The following SNX10 variants were observed in gnomAD, a reference collection of about 807,000 sequenced individuals.
SNX10 encodes the protein sorting nexin 10, also known as sorting nexin-10.
Under a neutral mutation model 28.5 loss-of-function variants are expected in SNX10, and 25 were observed. The ratio of observed to expected loss-of-function variants is 0.88; its 90% CI spans 0.64 to 1.22. SNX10 has a LOEUF of 1.22. SNX10 is among the 50% of genes most tolerant of loss of function. SNX10 has a pLI of 0.00. For synonymous variants in SNX10, 62 were observed against 81.4 expected (o/e 0.76, Z 1.28); for missense variants, 223 against 242.6 (o/e 0.92, Z 0.54).
At chr7:26,341,354 A>G (rs1055890131) in intron 1 of SNX10, among the ~76,000 whole-genome samples, 3 of 152,040 alleles carry the variant, frequency 2.0e-5, no homozygotes, top group Non-Finnish European at 4.4e-5. Flanking sequence ...GAGAAGGAGA[A>G]TGGGTGGCCA....
intron 1 of SNX10, among the ~76,000 whole-genome samples, chr7:26,299,382 G>A (rs528922667): frequency 1.3e-5 from 2 of 152,066 alleles, no homozygotes; most frequent in South Asian, 4.1e-4. Flanking sequence ...TTTTAGTAGA[G>A]ACGGGGTTTC....
At position 26,292,007 on chromosome 7, in the gene SNX10, C is replaced by G. The variant is rs1463177341; in HGVS notation, c.-103C>G. The G allele has an allele frequency of 6.6e-6, 1 of 150,766 alleles. No homozygotes were observed. The highest frequency in any genetic ancestry group is 1.5e-5 in the Non-Finnish European group (1 of 67,740). The allele number at this position is 150,766 out of a possible 1,614,324, so 9.3% of individuals were successfully genotyped here. On this transcript the variant is annotated 5_prime_UTR_variant, in exon 1 of 7. Transcript: ENST00000338523. ...GCTCGCCGCCGCCGCTGCCGCCGCG[C>G]GCCTTTGAGTCAGCAAACTCCGCGG...
intron 1 of SNX10, among the ~76,000 whole-genome samples, chr7:26,324,759 C>G (rs1209267258): frequency 6.6e-6 from 1 of 152,148 alleles, no homozygotes; most frequent in Admixed American, 6.6e-5. Context: ...AAAACCAAGA[C>G]TGTCCTGAAC....
chr7:26,329,959 G>A (rs1787670920), intron 1 of SNX10, among the ~76,000 whole-genome samples: 1 of 152,120 alleles, frequency 6.6e-6, no homozygotes, highest in African/African-American at 2.4e-5. Context: ...ACAGGGAGAT[G>A]GGAAGGGTGG....
chr7:26,298,428 G>A (rs1419125775), intron 1 of SNX10, among the ~76,000 whole-genome samples: 1 of 152,126 alleles, frequency 6.6e-6, no homozygotes, highest in Non-Finnish European at 1.5e-5. Flanking sequence ...TTTTTGCTTA[G>A]GTTTGTAATA....
At chr7:26,346,278 G>T (rs927298025) in intron 1 of SNX10, 142 bp from the exon 2 acceptor site, 1 of 673,750 alleles carries the variant, frequency 1.5e-6, no homozygotes, top group Admixed American at 2.2e-5. Context: ...AGAGGGCAGC[G>T]TGGGAGGAGC....
intron 1 of SNX10, among the ~76,000 whole-genome samples, chr7:26,310,816 G>T (rs1786809378): frequency 6.6e-6 from 1 of 151,930 alleles, no homozygotes; most frequent in African/African-American, 2.4e-5. Flanking sequence ...CCGAGTAGCT[G>T]GAACTACAGG....
In SNX10 at chr7:26,374,293, C is replaced by T. The variant is rs866951929; in HGVS notation, c.*1721C>T. The T allele has an allele frequency of 1.1e-4, 17 of 151,886 alleles. No individual in the cohort carries two copies. The highest frequency in any genetic ancestry group is 3.4e-4 in the African/African-American group (14 of 41,376). 9.4% of individuals were successfully genotyped at this position (151,886 alleles called of 1,614,324 possible). A position where few individuals can be genotyped will look rare whatever the true frequency, so the allele number is the denominator to read the frequency against. On this transcript the variant is annotated 3_prime_UTR_variant, in exon 7 of 7. Transcript: ENST00000338523. ...CCTAATACTTAGTATGTAAATGTCACGAGATCATTTTTACATTAAACGTGA... is the reference window on the plus strand; with the variant it reads ...CCTAATACTTAGTATGTAAATGTCATGAGATCATTTTTACATTAAACGTGA...
intron 1 of SNX10, among the ~76,000 whole-genome samples, chr7:26,318,128 C>T (rs998531176): frequency 3.3e-5 from 5 of 152,310 alleles, no homozygotes; most frequent in South Asian, 2.1e-4. Flanking sequence ...TAGATCACAT[C>T]GCCTACATTT....
At chr7:26,362,321 T>TA (rs1289430459) in intron 3 of SNX10, among the ~76,000 whole-genome samples, 16 of 152,182 alleles carry the variant, frequency 1.1e-4, no homozygotes, top group Admixed American at 1.0e-3. Context: ...TAACTTTCTG[T>TA]AAAAAAATTG....
intron 2 of SNX10, among the ~76,000 whole-genome samples, chr7:26,359,259 G>C (rs1788969241): frequency 1.3e-5 from 2 of 152,138 alleles, no homozygotes; most frequent in South Asian, 4.1e-4. Context: ...CCTAGAAGGT[G>C]AAACTTGATA....
At chr7:26,306,937 A>C (rs1786620690) in intron 1 of SNX10, among the ~76,000 whole-genome samples, 1 of 152,198 alleles carries the variant, frequency 6.6e-6, no homozygotes, top group African/African-American at 2.4e-5. Flanking sequence ...TAATTTGGGA[A>C]AGGGCAGAAT....
chr7:26,351,403 G>A (rs958567002), intron 2 of SNX10, among the ~76,000 whole-genome samples: 12 of 152,252 alleles, frequency 7.9e-5, no homozygotes, highest in African/African-American at 2.6e-4. Context: ...GAAATAGGTA[G>A]CCTTCCTTCC....
intron 1 of SNX10, among the ~76,000 whole-genome samples, chr7:26,339,320 T>C (rs569285023): frequency 2.6e-5 from 4 of 152,240 alleles, no homozygotes; most frequent in South Asian, 2.1e-4. Context: ...GTCTCAAACT[T>C]TGAGGTCAAG....
chr7:26,326,588 A>T (rs1323562239), intron 1 of SNX10, among the ~76,000 whole-genome samples: 2 of 152,234 alleles, frequency 1.3e-5, no homozygotes, highest in Non-Finnish European at 2.9e-5. Context: ...GCCTGGGTTC[A>T]AGTCCCAATT....
intron 1 of SNX10, among the ~76,000 whole-genome samples, chr7:26,336,533 G>A (rs532264510): frequency 1.3e-5 from 2 of 152,106 alleles, no homozygotes; most frequent in African/African-American, 4.8e-5. Context: ...GTGAAACCCC[G>A]TCTCTACTAA....
Position 26,361,016 on chromosome 7 carries a change from G to A in SNX10, c.66G>A (p.Lys22=). 1 of 1,611,628 alleles carries A rather than the reference G, an allele frequency of 6.2e-7. No individual in the cohort carries two copies. Among genetic ancestry groups the A allele is most frequent in the Non-Finnish European group, 8.5e-7 (1 of 1,178,312 alleles). The change falls in exon 3 of 7, where the codon AAG becomes AAA. Residue 22 remains lysine (K), a synonymous_variant. Coordinates refer to ENST00000338523, the MANE Select transcript of SNX10 (RefSeq NM_013322.3). ...SVWVRDPRIQ[K]EDFWHSYIDY... ...GGGTTCGAGATCCTAGGATTCAGAA[G>A]GAGGACTTCTGGCATTCTTACATTG... is the stretch of plus-strand genomic sequence containing the variant.
In SNX10 at chr7:26,325,306, AATAT is replaced by A. The variant is rs149785859; in HGVS notation, c.-23-21095_-23-21092del. On this transcript the variant is annotated intron_variant, in intron 1 of 6. Coordinates refer to ENST00000338523, the MANE Select transcript of SNX10 (RefSeq NM_013322.3). ...AATTTTTTTCTACTGAAGTTTGCAA[AATAT>A]ATATATATATATATATATTTGAGAT... Among the ~76,000 whole-genome samples the A allele has an allele frequency of 1.4e-3, 74 of 51,356 alleles. 2 individuals are homozygous for A. The highest frequency in any genetic ancestry group is 0.013 in the East Asian group (42 of 3,128). 33.7% of individuals were successfully genotyped at this position (51,356 alleles called of 152,430 possible).
intron 2 of SNX10, chr7:26,354,144 A>G (rs977565996): frequency 2.6e-5 from 4 of 152,238 alleles, no homozygotes; most frequent in African/African-American, 9.6e-5. Flanking sequence ...CACAATGGCT[A>G]AAATAAAAAA....
Sources: allele counts gnomAD v4.1 joint callset (sites outside exome capture counted in the v4.1 genomes callset), GRCh38; gene constraint gnomAD v4.1.1; transcripts MANE v1.5; gene names NCBI Gene and HGNC (gene_info 2026-07-23, HGNC 2026-07-21).